The following YJU2B variants were observed in gnomAD, a reference collection of about 807,000 sequenced individuals.
YJU2B encodes the protein probable splicing factor YJU2B.
In YJU2B, 18 loss-of-function variants were observed where a neutral mutation model predicts 38.0. The observed-to-expected ratio is 0.47, with a 90% CI of 0.33 to 0.70. The LOEUF (loss-of-function observed/expected upper bound fraction) is 0.70, where lower values mean the gene tolerates loss of function less well. Among genes scored for constraint, YJU2B ranks in the 30% least tolerant of loss-of-function variants. The pLI is 0.02. For synonymous variants in YJU2B, 246 were observed against 225.4 expected (o/e 1.09, Z -0.82); for missense variants, 538 against 556.3 (o/e 0.97, Z 0.33).
At chr19:13,734,264 T>C (rs368212842) in intron 2 of YJU2B, among the ~76,000 whole-genome samples, 2 of 151,892 alleles carry the variant, frequency 1.3e-5, no homozygotes, top group South Asian at 4.2e-4. Context: ...CCAGAAAGTA[T>C]ACACTATATT....
At chr19:13,750,000 A>T (rs1340573198) in intron 1 of YJU2B, among the ~76,000 whole-genome samples, 1 of 152,032 alleles carries the variant, frequency 6.6e-6, no homozygotes, top group Non-Finnish European at 1.5e-5. Context: ...GAGCCCCTGC[A>T]TTTCCCACCT....
chr19:13,744,522 G>A (rs554271980), upstream of YJU2B, among the ~76,000 whole-genome samples: 41 of 152,202 alleles, frequency 2.7e-4, no homozygotes, highest in African/African-American at 9.6e-4. Context: ...TGTTTAACAA[G>A]TTACTTATTT....
upstream of YJU2B, among the ~76,000 whole-genome samples, chr19:13,746,377 T>A (rs753247870): frequency 2.0e-5 from 3 of 152,206 alleles, no homozygotes; most frequent in Non-Finnish European, 4.4e-5. Context: ...TATTTTAGAT[T>A]CTTTGGGCTC....
At chr19:13,754,096 C>T (rs1166770603) in intron 2 of YJU2B, among the ~76,000 whole-genome samples, 193 bp from the exon 3 acceptor site, 3 of 152,194 alleles carry the variant, frequency 2.0e-5, no homozygotes, top group East Asian at 1.9e-4. Context: ...CGCCTGAACT[C>T]GGGAAACGGA....
At chr19:13,745,722 GAT>G (rs1491315957), upstream of YJU2B, among the ~76,000 whole-genome samples, 15 of 89,698 alleles carry the variant, frequency 1.7e-4, no homozygotes, top group African/African-American at 7.1e-4. Flanking sequence ...TAGATCTATA[GAT>G]ATCTATATAT....
intron 2 of YJU2B, among the ~76,000 whole-genome samples, chr19:13,736,468 C>A (rs1051684304): frequency 4.0e-5 from 6 of 151,564 alleles, no homozygotes; most frequent in African/African-American, 1.2e-4. Flanking sequence ...CCATGTTGGC[C>A]AGGCTGGTCT....
upstream of YJU2B, among the ~76,000 whole-genome samples, chr19:13,744,606 G>C (rs1973179960): frequency 6.6e-6 from 1 of 152,062 alleles, no homozygotes; most frequent in Non-Finnish European, 1.5e-5. Flanking sequence ...TCCATGCTTG[G>C]GGTCTCGTAA....
At chr19:13,743,890 A>AAAAAAG (rs1973162106), upstream of YJU2B, among the ~76,000 whole-genome samples, 2 of 147,556 alleles carry the variant, frequency 1.4e-5, no homozygotes, top group South Asian at 4.3e-4. Flanking sequence ...GTCTCAGGAA[A>AAAAAAG]AAAAAGAAAA....
chr19:13,737,128 A>G (rs756332657), intron 2 of YJU2B, among the ~76,000 whole-genome samples: 1 of 152,082 alleles, frequency 6.6e-6, no homozygotes, highest in Non-Finnish European at 1.5e-5. Context: ...CCAGGGCTCA[A>G]GTGATCTTCC....
At chr19:13,734,429 TACAGGGAC>T (rs1472015443) in intron 2 of YJU2B, among the ~76,000 whole-genome samples, 2 of 152,150 alleles carry the variant, frequency 1.3e-5, no homozygotes, top group Admixed American at 1.3e-4. Flanking sequence ...TAGCTGGGAT[TACAGGGAC>T]ACACCACCAC....
chr19:13,763,214 C>T lies in YJU2B; in HGVS notation c.*146C>T, dbSNP rs1973991609. 1.6e-6 allele frequency: 1 copy of T among 611,108 alleles called. No individual in the cohort carries two copies. Among genetic ancestry groups the T allele is most frequent in the Non-Finnish European group, 2.8e-6 (1 of 358,834 alleles). The allele number at this position is 611,108 out of a possible 1,614,324, so 37.9% of individuals were successfully genotyped here. ...TCCCCAGACCGCGCCTTCCTGCAACCGTGGAGTTATTTATTTGGTCCTGGT... is the reference window on the plus strand; with the variant it reads ...TCCCCAGACCGCGCCTTCCTGCAACTGTGGAGTTATTTATTTGGTCCTGGT... On this transcript the variant is annotated 3_prime_UTR_variant, in exon 10 of 10. Transcript: ENST00000221554.
intron 3 of YJU2B, among the ~76,000 whole-genome samples, chr19:13,755,114 T>TAATC (rs976084488): frequency 1.4e-5 from 2 of 141,240 alleles, no homozygotes; most frequent in Admixed American, 7.5e-5. Context: ...CAGTGAGTCA[T>TAATC]AATCATACCA....
chr19:13,757,346 G>C, intron 4 of YJU2B, 72 bp from the exon 5 acceptor site: 2 of 1,317,492 alleles, frequency 1.5e-6, no homozygotes, highest in Non-Finnish European at 2.2e-6. Context: ...ACCGCGGCCA[G>C]AGTCGCAGGT....
chr19:13,746,123 G>A (rs968536224), upstream of YJU2B, among the ~76,000 whole-genome samples: 3 of 151,976 alleles, frequency 2.0e-5, no homozygotes, highest in South Asian at 6.2e-4. Flanking sequence ...ATGGTGGCGG[G>A]CACCTGTAGT....
At chr19:13,743,528 C>T (rs987817834), upstream of YJU2B, among the ~76,000 whole-genome samples, 2 of 144,222 alleles carry the variant, frequency 1.4e-5, no homozygotes, top group African/African-American at 5.2e-5. Context: ...TGCAGTGAGC[C>T]GAGATCATGC....
Position 13,757,719 on chromosome 19 carries a change from C to T in YJU2B, c.197-67C>T, listed in dbSNP as rs571438955. On this transcript the variant is annotated intron_variant, in intron 5 of 9. Coordinates refer to ENST00000221554, the MANE Select transcript of YJU2B (RefSeq NM_030818.4). ...CAAGTGACAGTGAGCCTCTTTGTAC[C>T]TCATTTTACCCATCTGCAAAATTCA... 1.6e-4 allele frequency: 244 copies of T among 1,496,096 alleles called. 1 individual carries two copies. Among genetic ancestry groups the T allele is most frequent in the Middle Eastern group, 6.9e-4 (4 of 5,816 alleles). 92.7% of individuals were successfully genotyped at this position (1,496,096 alleles called of 1,614,324 possible).
At position 13,763,009 on chromosome 19, in the gene YJU2B, C is replaced by T. The variant is rs1973974433; in HGVS notation, c.1132C>T (p.His378Tyr). ...QEAADTPDTR[H>Y]PCSLGSSLVA... ...GGCAGCTGACACCCCCGACACGCGG[C>T]ACCCCTGCAGTCTCGGCTCCTCCCT... The change falls in exon 10 of 10, where the codon CAC becomes TAC. Residue 378 changes from histidine to tyrosine, a missense_variant. By Grantham distance (83) the His-to-Tyr change is moderately conservative. Around this residue, in one of 2 missense-constraint regions of YJU2B, gnomAD observed 488 missense variants for 469.5 expected, o/e 1.04. Transcript: ENST00000221554. 7 of 1,602,304 alleles carry T rather than the reference C, an allele frequency of 4.4e-6. No individual in the cohort carries two copies. The highest frequency in any genetic ancestry group is 6.0e-6 in the Non-Finnish European group (7 of 1,174,074).
rs759296850 is a variant in YJU2B at position 13,762,702 on chromosome 19, G to A, written c.825G>A (p.Leu275=). 6.2e-7 allele frequency: 1 copy of A among 1,605,424 alleles called. No homozygotes were observed. The highest frequency in any genetic ancestry group is 8.5e-7 in the Non-Finnish European group (1 of 1,179,424). Residue 275 remains leucine (L), a synonymous_variant, in exon 10 of 10, where the codon CTG becomes CTA. Coordinates refer to ENST00000221554, the MANE Select transcript of YJU2B (RefSeq NM_030818.4). ...AGGTCAGCGGCGTCCTGAAGAAGCT[G>A]GCACAGAGCCGCAGAACCGCGCTTG... is the stretch of plus-strand genomic sequence containing the variant. ...SSKVSGVLKK[L]AQSRRTALAT...
intron 1 of YJU2B, 78 bp from the exon 2 acceptor site, chr19:13,751,530 G>A: frequency 4.3e-6 from 2 of 470,466 alleles, no homozygotes; most frequent in Non-Finnish European, 7.7e-6. Flanking sequence ...ACCCGGTGGG[G>A]GCCACAGAGG....
Sources: allele counts gnomAD v4.1 joint callset (sites outside exome capture counted in the v4.1 genomes callset), GRCh38; gene constraint gnomAD v4.1.1; regional missense constraint gnomAD v4.1.1; transcripts MANE v1.5; gene names NCBI Gene and HGNC (gene_info 2026-07-23, HGNC 2026-07-21).